The following PLXNC1 variants were observed in gnomAD, a reference collection of about 807,000 sequenced individuals.
PLXNC1 encodes the protein plexin C1, also known as plexin-C1.
Under a neutral mutation model 178.2 loss-of-function variants are expected in PLXNC1, and 75 were observed. The ratio of observed to expected loss-of-function variants is 0.42; its 90% CI spans 0.35 to 0.51. The LOEUF is 0.51. PLXNC1 is among the 20% of genes least tolerant of loss of function. The pLI, the probability that PLXNC1 is intolerant of heterozygous loss-of-function variation, is 0.02. For missense variants in PLXNC1, 1,503 were observed against 1,984.4 expected, an observed-to-expected ratio of 0.76 and a Z score of 4.61; for synonymous variants, 790 against 779.9, an observed-to-expected ratio of 1.01 and a Z score of -0.22.
At chr12:94,257,633 C>G (rs832515) in intron 17 of PLXNC1, among the ~76,000 whole-genome samples, 6,063 of 152,248 alleles carry the variant, frequency 0.04, 181 homozygotes, top group Non-Finnish European at 0.059. Context: ...ATTAGCCAGG[C>G]ATGGTGGCGT....
chr12:94,227,041 C>A, intron 8 of PLXNC1, 108 bp from the exon 9 acceptor site: 1 of 807,316 alleles, frequency 1.2e-6, no homozygotes. Flanking sequence ...AAAGGTTTAA[C>A]CAAAAATAAA....
intron 1 of PLXNC1, 115 bp from the exon 2 acceptor site, chr12:94,169,038 G>T: frequency 1.1e-6 from 1 of 903,364 alleles, no homozygotes; most frequent in South Asian, 1.8e-5. Flanking sequence ...ATATATGTGG[G>T]GCCCAGAAGT....
In PLXNC1 at chr12:94,148,869, C is replaced by A; in HGVS notation, c.-103C>A. On this transcript the variant is annotated 5_prime_UTR_variant, in exon 1 of 31. Coordinates refer to ENST00000258526, the MANE Select transcript of PLXNC1 (RefSeq NM_005761.3). This position sits in a 1 kb window ranked among gnomAD's most constrained non-coding sequence, Gnocchi z 4.8. ...GATGGGGCGGCCGCGGGAGCCCGAG[C>A]GCGCGCAGGAACCGCCGCCGCCGCC... 2 of 198,730 alleles carry A rather than the reference C, an allele frequency of 1.0e-5. 1 individual carries two copies. The highest frequency in any genetic ancestry group is 1.8e-5 in the Non-Finnish European group (2 of 111,578). The allele number at this position is 198,730 out of a possible 1,614,324, so 12.3% of individuals were successfully genotyped here. A position where few individuals can be genotyped will look rare whatever the true frequency, so the allele number is the denominator to read the frequency against.
At chr12:94,195,390 T>C (rs1416896202) in intron 4 of PLXNC1, among the ~76,000 whole-genome samples, 1 of 151,934 alleles carries the variant, frequency 6.6e-6, no homozygotes, top group Non-Finnish European at 1.5e-5. Context: ...CTGGGAGAGG[T>C]AGTACGTCTC....
At chr12:94,175,361 G>T (rs559014279) in intron 2 of PLXNC1, among the ~76,000 whole-genome samples, 2 of 152,126 alleles carry the variant, frequency 1.3e-5, no homozygotes, top group South Asian at 4.1e-4. Context: ...AACACCCGTG[G>T]CTTTTCCATC....
At chr12:94,257,276 C>T (rs1168582814) in intron 17 of PLXNC1, among the ~76,000 whole-genome samples, 1 of 152,154 alleles carries the variant, frequency 6.6e-6, no homozygotes, top group Non-Finnish European at 1.5e-5. Context: ...AAGCAACAGG[C>T]AAAATCCAGA....
chr12:94,175,798 AACAG>A (rs1436339277), intron 2 of PLXNC1, among the ~76,000 whole-genome samples: 1 of 152,240 alleles, frequency 6.6e-6, no homozygotes, highest in Admixed American at 6.5e-5. Flanking sequence ...AGGTGAACAA[AACAG>A]ACAATGCCCT....
Position 94,254,806 on chromosome 12 carries a change from G to A in PLXNC1, c.2901G>A (p.Arg967=). 1 of 1,604,192 alleles carries A rather than the reference G, an allele frequency of 6.2e-7. No individual in the cohort carries two copies. The highest frequency in any genetic ancestry group is 8.5e-7 in the Non-Finnish European group (1 of 1,177,424). The change falls in exon 16 of 31, where the codon AGG becomes AGA. Residue 967 remains arginine, a synonymous_variant. Transcript: ENST00000258526. The stretch of plus-strand genomic sequence containing the variant: ...TCTTAGCGGCCGTGGGGGTGACCAG[G>A]CACAAATCGAAGGAGCTGAGTCGCA... ...IVIFAAVGVT[R]HKSKELSRKQ... is the part of the protein sequence containing the mutation.
chr12:94,187,208 A>G (rs992733899), intron 4 of PLXNC1, among the ~76,000 whole-genome samples: 2 of 150,584 alleles, frequency 1.3e-5, no homozygotes, highest in African/African-American at 4.9e-5. Flanking sequence ...AAAACCCATA[A>G]CAGTGTCTGT....
At chr12:94,162,909 C>T (rs1015577196) in intron 1 of PLXNC1, among the ~76,000 whole-genome samples, 3 of 152,240 alleles carry the variant, frequency 2.0e-5, no homozygotes, top group East Asian at 1.9e-4. Flanking sequence ...GAGAGACTTT[C>T]ACAGTAGTCA....
In PLXNC1 at chr12:94,265,311, CG is replaced by C; in HGVS notation, c.3597+88del. The C allele has an allele frequency of 3.2e-6, 4 of 1,246,110 alleles. No individual in the cohort carries two copies. The African/African-American group carries it at 4.5e-5, about 14-fold the overall frequency. The allele number at this position is 1,246,110 out of a possible 1,614,324, so 77.2% of individuals were successfully genotyped here. A position where few individuals can be genotyped will look rare whatever the true frequency, so the allele number is the denominator to read the frequency against. On this transcript the variant is annotated intron_variant, in intron 21 of 30. Transcript: ENST00000258526. ...GTGAGGTGGGTCATTTACAATGAAA[CG>C]GTATCATCTCTACTGCGGGAGGCCC...
rs1466343565 is a variant in PLXNC1 at position 94,240,602 on chromosome 12, A to T, written c.2238A>T (p.Gly746=). The change falls in exon 11 of 31, where the codon GGA becomes GGT. Residue 746 remains glycine, a synonymous_variant. Transcript: ENST00000258526. The part of the protein sequence containing the change: ...QFDGGNCSSV[G]SLSYIALPHC... Reference sequence around the variant, plus strand: ...ATGGTGGGAACTGCTCTTCTGTGGGATCCTTATCCTACATTGCTCTGCCAC... The same window carrying T: ...ATGGTGGGAACTGCTCTTCTGTGGGTTCCTTATCCTACATTGCTCTGCCAC... 4.3e-6 allele frequency: 7 copies of T among 1,613,974 alleles called. No homozygotes were observed. The highest frequency in any genetic ancestry group is 5.9e-6 in the Non-Finnish European group (7 of 1,179,880).
intron 21 of PLXNC1, among the ~76,000 whole-genome samples, chr12:94,274,825 C>T (rs1443491616): frequency 6.6e-6 from 1 of 152,188 alleles, no homozygotes; most frequent in Non-Finnish European, 1.5e-5. Context: ...CTCTCTGTGC[C>T]TCAGTTTCTC....
chr12:94,206,537 G>A (rs1318383689), intron 4 of PLXNC1, among the ~76,000 whole-genome samples: 3 of 151,092 alleles, frequency 2.0e-5, no homozygotes, highest in Non-Finnish European at 4.4e-5. Flanking sequence ...ATTTGGGCAG[G>A]TTCTGTATTC....
chr12:94,209,677 T>A lies in PLXNC1; in HGVS notation c.1527T>A (p.Ile509=). 1 of 1,609,798 alleles carries A rather than the reference T, an allele frequency of 6.2e-7. No homozygotes were observed. Among genetic ancestry groups the A allele is most frequent in the Non-Finnish European group, 8.5e-7 (1 of 1,176,040 alleles). ...ISSGAKKCPK[I]QIIRSSKEKT... is the part of the protein sequence containing the mutation. ...CTGGAGCAAAAAAGTGCCCTAAAAT[T>A]CAGATAATTCGAAGCAGTAAAGAAA... The change falls in exon 5 of 31, where the codon ATT becomes ATA. Residue 509 remains isoleucine (I), a synonymous_variant. Coordinates refer to ENST00000258526, the MANE Select transcript of PLXNC1 (RefSeq NM_005761.3).
chr12:94,304,030 C>A lies in PLXNC1; in HGVS notation c.4581C>A (p.Tyr1527Ter). 3 of 1,564,946 alleles carry A rather than the reference C, an allele frequency of 1.9e-6. No individual in the cohort carries two copies. Among genetic ancestry groups the A allele is most frequent in the Non-Finnish European group, 2.6e-6 (3 of 1,136,862 alleles). The change falls in exon 30 of 31, where the codon TAC becomes TAA. Residue 1527 changes from tyrosine to a stop codon, truncating the protein, a stop_gained. Transcript: ENST00000258526. LOFTEE classifies it high-confidence loss of function. The part of the protein sequence containing the change: ...EEVALTEIYK[Y>*]IVKYFDEILN... ...TGGCCTTGACAGAAATTTACAAATA[C>A]ATCGTAAAATATTTTGATGAGGTAA...
rs1968857484 is a variant in PLXNC1 at position 94,305,050 on chromosome 12, T to C, written c.4603-131T>C. ...AGCAAAACAACTTGCAAAGTGAGTA[T>C]GTAAATGATGGAAGAAAATGTTGGC... is the stretch of plus-strand genomic sequence containing the variant. On this transcript the variant is annotated intron_variant, in intron 30 of 30. Transcript: ENST00000258526. The C allele has an allele frequency of 9.6e-6, 6 of 623,958 alleles. No homozygotes were observed. The South Asian group carries it at 1.2e-4, about 13-fold the overall frequency. 38.7% of individuals were successfully genotyped at this position (623,958 alleles called of 1,614,324 possible).
intron 21 of PLXNC1, among the ~76,000 whole-genome samples, chr12:94,273,826 T>C (rs1965736082): frequency 6.6e-6 from 1 of 151,902 alleles, no homozygotes; most frequent in Non-Finnish European, 1.5e-5. Context: ...TAAGAGAAAA[T>C]TGAACTAAGG....
At chr12:94,254,546 G>C in intron 15 of PLXNC1, 1 of 653,082 alleles carries the variant, frequency 1.5e-6, no homozygotes, top group Non-Finnish European at 2.8e-6. Context: ...AATGAGTAAG[G>C]TTTTGGTTTT....
Sources: gnomAD v4.1 joint callset for allele counts (sites outside exome capture counted in the v4.1 genomes callset) on GRCh38, gnomAD v4.1.1 for gene constraint, Gnocchi (gnomAD v3.1) non-coding constraint, MANE v1.5 for transcripts, NCBI Gene and HGNC (gene_info 2026-07-23, HGNC 2026-07-21) for gene names.